The following IL18R1 variants were observed in gnomAD, a reference collection of about 807,000 sequenced individuals.
The protein encoded by IL18R1 is interleukin-18 receptor 1.
A neutral mutation model predicts 48.5 loss-of-function variants in IL18R1; 40 were observed. The observed-to-expected ratio is 0.82, with a 90% confidence interval of 0.64 to 1.07. The LOEUF is 1.07. Among genes scored for constraint, IL18R1 ranks in the 50% least tolerant of loss-of-function variants. The pLI, the probability that IL18R1 is intolerant of heterozygous loss-of-function variation, is 0.00. For synonymous variants in IL18R1, 232 were observed against 225.9 expected (o/e 1.03, Z -0.24); for missense variants, 596 against 633.7 (o/e 0.94, Z 0.64).
chr2:102,391,307 A>G (rs1270067755), intron 9 of IL18R1, among the ~76,000 whole-genome samples: 3 of 152,186 alleles, frequency 2.0e-5, no homozygotes, highest in Non-Finnish European at 4.4e-5. Flanking sequence ...ATATCAATAC[A>G]GATTCTTATT....
intron 10 of IL18R1, among the ~76,000 whole-genome samples, chr2:102,395,794 G>C (rs1680790940): frequency 6.6e-6 from 1 of 152,214 alleles, no homozygotes; most frequent in Non-Finnish European, 1.5e-5. Flanking sequence ...AGAACAGTGA[G>C]AGGTCTAGAA....
Position 102,385,130 on chromosome 2 carries a change from C to A in IL18R1, c.809+132C>A, listed in dbSNP as rs56151680. 538 of 472,556 alleles carry A rather than the reference C, an allele frequency of 1.1e-3. 8 individuals carry two copies. The East Asian group carries it at 0.02, about 17-fold the overall frequency. 29.3% of individuals were successfully genotyped at this position (472,556 alleles called of 1,614,324 possible). On this transcript the variant is annotated intron_variant, in intron 7 of 10. Transcript: ENST00000233957. The stretch of plus-strand genomic sequence containing the variant: ...TAGTTTAAATTATAATTATAATGGA[C>A]ATATTTTATAATTATAGTGGCCATA...
chr2:102,384,838 A>T (rs752232575), intron 6 of IL18R1, 40 bp from the exon 7 acceptor site: 2 of 1,601,858 alleles, frequency 1.2e-6, no homozygotes, highest in Non-Finnish European at 1.7e-6. Context: ...AAGAAACCTG[A>T]GTTTCAAAAA....
rs950273867 is a variant in IL18R1, at chr2:102,387,780, C to T, written c.949+780C>T. Among the ~76,000 whole-genome samples, 20 of 151,354 alleles carry T rather than the reference C, an allele frequency of 1.3e-4. No individual in the cohort carries two copies. The East Asian group carries it at 2.3e-3, about 18-fold the overall frequency. ...TAACACACCCAGAGACAGATGGAGA[C>T]GGAGAGAGACAGACACAGAGAGAGG... On this transcript the variant is annotated intron_variant, in intron 8 of 10. Coordinates refer to ENST00000233957, the MANE Select transcript of IL18R1 (RefSeq NM_003855.5).
chr2:102,358,986 C>G (rs1356409829), intron 1 of IL18R1, among the ~76,000 whole-genome samples: 1 of 151,794 alleles, frequency 6.6e-6, no homozygotes, highest in East Asian at 1.9e-4. Context: ...AAAAACTAAA[C>G]ATGGGAGGGT....
Position 102,356,268 on chromosome 2 carries a change from C to A in IL18R1, c.-161C>A. Reference sequence around the variant, plus strand: ...TATCTCTTTAATCACACCTCTCTTTCACTTTCCACGGTAGTCAGGAGGCGG... The same window carrying A: ...TATCTCTTTAATCACACCTCTCTTTAACTTTCCACGGTAGTCAGGAGGCGG... On this transcript the variant is annotated 5_prime_UTR_variant, in exon 1 of 11. Transcript: ENST00000233957. The A allele has an allele frequency of 1.2e-6, 1 of 815,028 alleles. No homozygotes were observed. Among genetic ancestry groups the A allele is most frequent in the Non-Finnish European group, 1.5e-6 (1 of 678,890 alleles). 50.5% of individuals were successfully genotyped at this position (815,028 alleles called of 1,614,324 possible).
At chr2:102,379,444 C>T (rs1272249804) in intron 5 of IL18R1, among the ~76,000 whole-genome samples, 1 of 102,944 alleles carries the variant, frequency 9.7e-6, no homozygotes, top group Admixed American at 1.1e-4. Context: ...GACTCGGTCT[C>T]AAAAAAAAAA....
intron 5 of IL18R1, among the ~76,000 whole-genome samples, chr2:102,380,372 G>T (rs1290001326): frequency 6.6e-6 from 1 of 152,158 alleles, no homozygotes; most frequent in Admixed American, 6.5e-5. Flanking sequence ...GGGAAAAAAT[G>T]GATCCAGAGA....
chr2:102,356,746 G>A (rs982710443), intron 1 of IL18R1, among the ~76,000 whole-genome samples: 4 of 152,182 alleles, frequency 2.6e-5, no homozygotes, highest in African/African-American at 7.2e-5. Context: ...ACATGAAATA[G>A]GAACTATTAT....
At chr2:102,375,328 A>T (rs773116189) in intron 4 of IL18R1, among the ~76,000 whole-genome samples, 5 of 152,158 alleles carry the variant, frequency 3.3e-5, no homozygotes, top group Non-Finnish European at 5.9e-5. Context: ...TGTGTGTGAG[A>T]GAGAGAGAGA....
chr2:102,392,555 C>A (rs544509315), intron 9 of IL18R1, among the ~76,000 whole-genome samples: 1 of 151,892 alleles, frequency 6.6e-6, no homozygotes, highest in East Asian at 1.9e-4. Flanking sequence ...ATGCAGTCCA[C>A]GAAAAGGACA....
At chr2:102,360,560 G>A (rs918801243) in intron 1 of IL18R1, among the ~76,000 whole-genome samples, 7 of 152,288 alleles carry the variant, frequency 4.6e-5, no homozygotes, top group South Asian at 2.1e-4. Context: ...ACTGTGCCCG[G>A]CCAAACATCT....
chr2:102,357,755 G>A (rs1444906864), intron 1 of IL18R1, among the ~76,000 whole-genome samples: 1 of 152,074 alleles, frequency 6.6e-6, no homozygotes. Flanking sequence ...AGGCAGATTT[G>A]GGGGGAAGCA....
chr2:102,373,760 A>G (rs1679407318), intron 4 of IL18R1, among the ~76,000 whole-genome samples: 2 of 151,940 alleles, frequency 1.3e-5, no homozygotes, highest in South Asian at 4.2e-4. Flanking sequence ...GGGGTCCCCA[A>G]TCCCCATGCC....
Position 102,374,303 on chromosome 2 carries a change from C to T in IL18R1, c.469-1604C>T, listed in dbSNP as rs554791104. Among the ~76,000 whole-genome samples the T allele has an allele frequency of 7.9e-5, 12 of 152,266 alleles. No individual in the cohort carries two copies. The East Asian group carries it at 2.3e-3, about 29-fold the overall frequency. On this transcript the variant is annotated intron_variant, in intron 4 of 10. Transcript: ENST00000233957. Reference sequence around the variant, plus strand: ...ATCTGAAGCGAGTGATGATAATATCCTTGAAATTTTTGTTTGTGCCTTATG... The same window carrying T: ...ATCTGAAGCGAGTGATGATAATATCTTTGAAATTTTTGTTTGTGCCTTATG...
At chr2:102,359,245 A>G (rs1678437677) in intron 1 of IL18R1, among the ~76,000 whole-genome samples, 3 of 152,078 alleles carry the variant, frequency 2.0e-5, no homozygotes, top group Admixed American at 2.0e-4. Context: ...AATCAAGAAA[A>G]TTAATTGTTG....
chr2:102,387,920 A>G (rs1680332312), intron 8 of IL18R1, among the ~76,000 whole-genome samples: 1 of 152,116 alleles, frequency 6.6e-6, no homozygotes, highest in Non-Finnish European at 1.5e-5. Flanking sequence ...GAGAAATGAG[A>G]GAGACAGGGA....
At chr2:102,368,234 A>ATC (rs1040444959) in intron 3 of IL18R1, among the ~76,000 whole-genome samples, 166 bp downstream of exon 3, 2 of 152,196 alleles carry the variant, frequency 1.3e-5, no homozygotes, top group African/African-American at 4.8e-5. Context: ...GAATAAGTTT[A>ATC]TCTCTCTCTG....
At chr2:102,386,172 GC>G (rs1680213131) in intron 7 of IL18R1, among the ~76,000 whole-genome samples, 1 of 152,216 alleles carries the variant, frequency 6.6e-6, no homozygotes, top group South Asian at 2.1e-4. Flanking sequence ...GGCACATGGG[GC>G]CCATGTCTGG....
Sources: gnomAD v4.1 joint callset for allele counts (sites outside exome capture counted in the v4.1 genomes callset) on GRCh38, gnomAD v4.1.1 for gene constraint, MANE v1.5 for transcripts, NCBI Gene and HGNC (gene_info 2026-07-23, HGNC 2026-07-21) for gene names.